The following CPED1 variants were observed in gnomAD, a reference collection of about 807,000 sequenced individuals.
The protein encoded by CPED1 is cadherin like and PC-esterase domain containing 1, also known as cadherin-like and PC-esterase domain-containing protein 1.
In CPED1, 114 loss-of-function variants were observed where a neutral mutation model predicts 128.2. The observed-to-expected ratio is 0.89, with a 90% CI of 0.76 to 1.04. The LOEUF is 1.04. Ranked by LOEUF, CPED1 falls within the 50% of genes least tolerant of loss-of-function variation. The pLI is 0.00. For missense variants in CPED1, 1,211 were observed against 1,207.1 expected, an observed-to-expected ratio of 1.00 and a Z score of -0.05; for synonymous variants, 462 against 426.7, an observed-to-expected ratio of 1.08 and a Z score of -1.02.
At chr7:121,047,160 C>G (rs965547907) in intron 4 of CPED1, among the ~76,000 whole-genome samples, 167 bp downstream of exon 4, 1 of 152,190 alleles carries the variant, frequency 6.6e-6, no homozygotes, top group Non-Finnish European at 1.5e-5. Flanking sequence ...ATAGTCACCA[C>G]TTTTTGTTTG....
At chr7:121,175,981 G>A (rs1414188686) in intron 16 of CPED1, among the ~76,000 whole-genome samples, 1 of 151,936 alleles carries the variant, frequency 6.6e-6, no homozygotes, top group Non-Finnish European at 1.5e-5. Context: ...CCAAGAAGCA[G>A]CAAATTAACT....
At chr7:121,078,169 C>T (rs560685816) in intron 5 of CPED1, among the ~76,000 whole-genome samples, 2 of 152,048 alleles carry the variant, frequency 1.3e-5, no homozygotes, top group Admixed American at 6.5e-5. Context: ...CTCAGTCTCC[C>T]GAGTAGCTGG....
At chr7:121,103,239 C>T (rs1794896650) in intron 7 of CPED1, among the ~76,000 whole-genome samples, 1 of 152,060 alleles carries the variant, frequency 6.6e-6, no homozygotes, top group Admixed American at 6.6e-5. Context: ...GCATGCAGTT[C>T]TTGTCATTTT....
chr7:121,090,832 C>T (rs1275247404), intron 5 of CPED1, among the ~76,000 whole-genome samples: 1 of 151,880 alleles, frequency 6.6e-6, no homozygotes, highest in Non-Finnish European at 1.5e-5. Context: ...GCCTATAATC[C>T]CAGCTACTCG....
chr7:121,212,435 T>C (rs966123907), intron 16 of CPED1, among the ~76,000 whole-genome samples: 3 of 152,060 alleles, frequency 2.0e-5, no homozygotes, highest in Non-Finnish European at 2.9e-5. Context: ...TCTCTGTTTT[T>C]TCCTCTGCTT....
chr7:121,271,653 A>G (rs909543787), intron 22 of CPED1, among the ~76,000 whole-genome samples: 2 of 152,148 alleles, frequency 1.3e-5, no homozygotes, highest in African/African-American at 4.8e-5. Context: ...TAGACACTTC[A>G]AAACTAGAAC....
intron 16 of CPED1, among the ~76,000 whole-genome samples, chr7:121,217,038 T>C (rs925857632): frequency 6.6e-6 from 1 of 151,954 alleles, no homozygotes; most frequent in African/African-American, 2.4e-5. Context: ...ATTGAGAGGT[T>C]GCACAGTTTT....
rs1267644785 is a variant in CPED1 at position 121,003,282 on chromosome 7, T to G, written c.250-12383T>G. On this transcript the variant is annotated intron_variant, in intron 2 of 22. Transcript: ENST00000310396. ...ACCATCTAAGACATGATTTCCACTTTAGACCTGACTGAGACCTACTGCTAG... is the reference window on the plus strand; with the variant it reads ...ACCATCTAAGACATGATTTCCACTTGAGACCTGACTGAGACCTACTGCTAG... Among the ~76,000 whole-genome samples, 10 of 152,300 alleles carry G rather than the reference T, an allele frequency of 6.6e-5. No individual in the cohort carries two copies. In the East Asian group the frequency reaches 1.9e-3, roughly 29 times the overall value.
chr7:121,184,728 A>G lies in CPED1; in HGVS notation c.2055+42587A>G, dbSNP rs148127481. ...TGAACAAAAAAAATCATTGTAAAAT[A>G]GATGCAGAAGTGTGCTTAGTTCTCA... On this transcript the variant is annotated intron_variant, in intron 16 of 22. Transcript: ENST00000310396. 3.2e-3 allele frequency among the ~76,000 whole-genome samples: 480 copies of G among 152,348 alleles called. 5 individuals carry two copies. Among genetic ancestry groups the G allele is most frequent in the African/African-American group, 0.011 (455 of 41,576 alleles).
At chr7:121,247,577 GT>G (rs1798566514) in intron 18 of CPED1, among the ~76,000 whole-genome samples, 1 of 152,166 alleles carries the variant, frequency 6.6e-6, no homozygotes, top group African/African-American at 2.4e-5. Context: ...ACTGGGGCTA[GT>G]TCCCAGCCCT....
intron 3 of CPED1, among the ~76,000 whole-genome samples, chr7:121,023,781 TC>T (rs1053019033): frequency 6.6e-6 from 1 of 152,050 alleles, no homozygotes. Flanking sequence ...CTCATTTCTT[TC>T]CCCCCTCTAG....
intron 5 of CPED1, among the ~76,000 whole-genome samples, chr7:121,077,297 A>G (rs1196668291): frequency 6.6e-6 from 1 of 152,172 alleles, no homozygotes; most frequent in East Asian, 1.9e-4. Flanking sequence ...AAGGAAGTTA[A>G]TGAAAATGGA....
intron 5 of CPED1, among the ~76,000 whole-genome samples, chr7:121,071,354 A>G (rs929165456): frequency 6.6e-6 from 1 of 152,052 alleles, no homozygotes; most frequent in Non-Finnish European, 1.5e-5. Flanking sequence ...TTCCCTCAGC[A>G]CATTCCCTTA....
intron 7 of CPED1, among the ~76,000 whole-genome samples, chr7:121,122,624 C>T (rs1014983935): frequency 1.3e-5 from 2 of 152,108 alleles, no homozygotes; most frequent in African/African-American, 2.4e-5. Flanking sequence ...GAACCTGGAC[C>T]TTTTTACCTC....
intron 5 of CPED1, chr7:121,083,891 A>G (rs1452564368): frequency 6.6e-6 from 1 of 152,222 alleles, no homozygotes; most frequent in African/African-American, 2.4e-5. Context: ...AAGAGGACAG[A>G]ATGAGTTAAT....
chr7:121,081,978 C>T (rs1397878713), intron 5 of CPED1, among the ~76,000 whole-genome samples: 3 of 152,140 alleles, frequency 2.0e-5, no homozygotes, highest in African/African-American at 7.2e-5. Flanking sequence ...CCACCTATTT[C>T]TGAGCATCTA....
chr7:121,082,950 A>G (rs754502806), intron 5 of CPED1, among the ~76,000 whole-genome samples: 2 of 152,184 alleles, frequency 1.3e-5, no homozygotes, highest in African/African-American at 4.8e-5. Flanking sequence ...TCTTATTTAT[A>G]ATAATATTTA....
chr7:121,087,562 A>G (rs552197081), intron 5 of CPED1, among the ~76,000 whole-genome samples: 1 of 152,014 alleles, frequency 6.6e-6, no homozygotes, highest in African/African-American at 2.4e-5. Flanking sequence ...TATCTCTACT[A>G]CTTACAATTC....
At chr7:121,192,410 G>A (rs1797162933) in intron 16 of CPED1, among the ~76,000 whole-genome samples, 1 of 152,090 alleles carries the variant, frequency 6.6e-6, no homozygotes, top group Admixed American at 6.6e-5. Context: ...AAAAACATCT[G>A]AAGTCCAAAA....
Sources: allele counts gnomAD v4.1 joint callset (sites outside exome capture counted in the v4.1 genomes callset), GRCh38; gene constraint gnomAD v4.1.1; transcripts MANE v1.5; gene names NCBI Gene and HGNC (gene_info 2026-07-23, HGNC 2026-07-21).